The following AXDND1 variants were observed in gnomAD, a reference collection of about 807,000 sequenced individuals.
AXDND1 encodes the protein axonemal dynein light chain domain containing 1, also known as axonemal dynein light chain domain-containing protein 1.
A neutral mutation model predicts 137.5 loss-of-function variants in AXDND1; 110 were observed. The ratio of observed to expected loss-of-function variants is 0.80; its 90% CI spans 0.69 to 0.94. The LOEUF (loss-of-function observed/expected upper bound fraction) is 0.94, where lower values mean the gene tolerates loss of function less well. Among genes scored for constraint, AXDND1 ranks in the 40% least tolerant of loss-of-function variants. AXDND1 has a pLI of 0.00. For missense variants in AXDND1, 1,191 were observed against 1,169.8 expected, an observed-to-expected ratio of 1.02 and a Z score of -0.26; for synonymous variants, 414 against 399.7, an observed-to-expected ratio of 1.04 and a Z score of -0.43.
intron 22 of AXDND1, among the ~76,000 whole-genome samples, chr1:179,525,938 T>C (rs189477088): frequency 1.6e-4 from 24 of 152,212 alleles, no homozygotes; most frequent in Middle Eastern, 3.4e-3. Flanking sequence ...TGCAGAAATA[T>C]TTATCTTTGT....
chr1:179,539,005 G>C (rs1348349903), intron 25 of AXDND1, among the ~76,000 whole-genome samples: 1 of 151,730 alleles, frequency 6.6e-6, no homozygotes, highest in Non-Finnish European at 1.5e-5. Context: ...TCAGATACTG[G>C]GATTTCAACC....
chr1:179,411,400 A>G, intron 12 of AXDND1, 134 bp downstream of exon 12: 1 of 1,221,302 alleles, frequency 8.2e-7, no homozygotes, highest in Non-Finnish European at 1.1e-6. Flanking sequence ...GCTGGAATTC[A>G]GTGATGTGAT....
intron 11 of AXDND1, among the ~76,000 whole-genome samples, chr1:179,408,678 A>G (rs1653363035): frequency 6.6e-6 from 1 of 152,062 alleles, no homozygotes; most frequent in Non-Finnish European, 1.5e-5. Flanking sequence ...AACCTGGATA[A>G]TTTTATGAAA....
intron 22 of AXDND1, among the ~76,000 whole-genome samples, chr1:179,527,904 A>G (rs1271889257): frequency 1.3e-5 from 2 of 152,058 alleles, no homozygotes; most frequent in African/African-American, 4.8e-5. Flanking sequence ...TTTTACAAGC[A>G]CCTGTTCGGC....
At chr1:179,472,116 C>T (rs1020350763) in intron 17 of AXDND1, among the ~76,000 whole-genome samples, 2 of 152,284 alleles carry the variant, frequency 1.3e-5, no homozygotes, top group Admixed American at 1.3e-4. Flanking sequence ...AGGCTAGTCT[C>T]GAATTCCTGA....
chr1:179,367,202 CAA>C (rs1158924305), intron 2 of AXDND1, among the ~76,000 whole-genome samples: 2 of 149,882 alleles, frequency 1.3e-5, no homozygotes, highest in Non-Finnish European at 3.0e-5. Context: ...GTCTGGGAGA[CAA>C]GAGCAAGACC....
At chr1:179,531,069 T>C (rs1256725422) in intron 23 of AXDND1, among the ~76,000 whole-genome samples, 1 of 152,110 alleles carries the variant, frequency 6.6e-6, no homozygotes, top group Admixed American at 6.6e-5. Flanking sequence ...GTATGGGTGT[T>C]GCTTATTGGT....
At chr1:179,547,810 C>A (rs757587491) in intron 25 of AXDND1, among the ~76,000 whole-genome samples, 2 of 152,166 alleles carry the variant, frequency 1.3e-5, no homozygotes, top group East Asian at 1.9e-4. Flanking sequence ...ATCCCTACCC[C>A]CTACCCAGAA....
chr1:179,525,990 A>G (rs1226212893), intron 22 of AXDND1, among the ~76,000 whole-genome samples: 5 of 152,174 alleles, frequency 3.3e-5, no homozygotes, highest in South Asian at 4.1e-4. Context: ...TTTCCCTTCT[A>G]AATCCAGCCA....
At chr1:179,399,251 T>C (rs1651560246) in intron 11 of AXDND1, among the ~76,000 whole-genome samples, 1 of 152,190 alleles carries the variant, frequency 6.6e-6, no homozygotes, top group Non-Finnish European at 1.5e-5. Context: ...TGGAACAGAA[T>C]AGAGAATCCC....
chr1:179,484,198 C>T (rs1665759138), intron 18 of AXDND1, among the ~76,000 whole-genome samples: 1 of 152,152 alleles, frequency 6.6e-6, no homozygotes, highest in Admixed American at 6.5e-5. Flanking sequence ...TCCCAGGACC[C>T]CCACAGTCAC....
At chr1:179,420,122 A>G (rs1558151938) in intron 12 of AXDND1, among the ~76,000 whole-genome samples, 1 of 152,140 alleles carries the variant, frequency 6.6e-6, no homozygotes, top group Non-Finnish European at 1.5e-5. Flanking sequence ...TTTCTTCTAT[A>G]CTAAATTTGA....
chr1:179,447,639 T>G (rs1318020515), intron 16 of AXDND1: 1 of 1,300,220 alleles, frequency 7.7e-7, no homozygotes, highest in East Asian at 2.3e-5. Context: ...GGATGACAAC[T>G]CGAAGATCTG....
At chr1:179,459,869 TTTC>T (rs927801914) in intron 16 of AXDND1, among the ~76,000 whole-genome samples, 12 of 144,166 alleles carry the variant, frequency 8.3e-5, no homozygotes, top group East Asian at 4.5e-4. Context: ...CTTTCCTTCC[TTTC>T]TTTTCTTTTC....
intron 15 of AXDND1, among the ~76,000 whole-genome samples, chr1:179,432,870 T>C (rs187445344): frequency 0.016 from 2,360 of 150,896 alleles, 54 homozygotes; most frequent in African/African-American, 0.053. Context: ...ACCACTGCAC[T>C]CCAGCCTGGG....
chr1:179,427,274 C>A (rs1413853909), intron 12 of AXDND1, among the ~76,000 whole-genome samples: 1 of 152,028 alleles, frequency 6.6e-6, no homozygotes, highest in Non-Finnish European at 1.5e-5. Context: ...TAAGACATTA[C>A]CTTTGGTTAG....
At chr1:179,460,665 A>G (rs1449522234) in intron 16 of AXDND1, among the ~76,000 whole-genome samples, 3 of 152,222 alleles carry the variant, frequency 2.0e-5, no homozygotes, top group South Asian at 2.1e-4. Flanking sequence ...CAGTCCCAAC[A>G]ACAGTGTAAA....
In AXDND1 at chr1:179,428,364, A is replaced by G. The variant is rs149456818; in HGVS notation, c.1231-1154A>G. Among the ~76,000 whole-genome samples the G allele has an allele frequency of 2.1e-3, 320 of 152,374 alleles. 1 individual carries two copies. The highest frequency in any genetic ancestry group is 6.8e-3 in the African/African-American group (281 of 41,584). On this transcript the variant is annotated intron_variant, in intron 12 of 25. Coordinates refer to ENST00000367618, the MANE Select transcript of AXDND1 (RefSeq NM_144696.6). The stretch of plus-strand genomic sequence containing the variant: ...GAGCTTTGTGTTAGATCATCCCTAG[A>G]GTCCCTTCTAACTGAAGTGACAGTT...
chr1:179,495,837 T>TA (rs1244780897), intron 20 of AXDND1, among the ~76,000 whole-genome samples: 7 of 151,814 alleles, frequency 4.6e-5, no homozygotes, highest in Admixed American at 2.6e-4. Context: ...AGGTTTTTTT[T>TA]ATAGATACCC....
Sources: gnomAD v4.1 joint callset for allele counts (sites outside exome capture counted in the v4.1 genomes callset) on GRCh38, gnomAD v4.1.1 for gene constraint, MANE v1.5 for transcripts, NCBI Gene and HGNC (gene_info 2026-07-23, HGNC 2026-07-21) for gene names.